Variants in THBS4 observed in about 807,000 individuals in gnomAD.
THBS4 encodes thrombospondin-4.
A neutral mutation model predicts 115.7 loss-of-function variants in THBS4; 90 were observed. That is an observed-to-expected ratio of 0.78 (90% CI 0.66 to 0.93). The LOEUF is 0.93. Among genes scored for constraint, THBS4 ranks in the 40% least tolerant of loss-of-function variants. The pLI, the probability that THBS4 is intolerant of heterozygous loss-of-function variation, is 0.00. For synonymous variants in THBS4, 460 were observed against 479.3 expected (o/e 0.96, Z 0.53); for missense variants, 1,087 against 1,232.7 (o/e 0.88, Z 1.77).
At chr5:80,043,986 T>A (rs1026476032) in intron 2 of THBS4, among the ~76,000 whole-genome samples, 1 of 152,226 alleles carries the variant, frequency 6.6e-6, no homozygotes, top group African/African-American at 2.4e-5. Context: ...TTGCCATTCC[T>A]TGGGGCCGCA....
chr5:80,037,571 C>G (rs1479039143), intron 1 of THBS4, among the ~76,000 whole-genome samples: 1 of 152,130 alleles, frequency 6.6e-6, no homozygotes, highest in Non-Finnish European at 1.5e-5. Flanking sequence ...ATGTTCATTA[C>G]TAACTAATCC....
intron 2 of THBS4, among the ~76,000 whole-genome samples, chr5:80,023,609 CTTAA>C (rs1266541399): frequency 1.3e-5 from 2 of 152,184 alleles, no homozygotes; most frequent in African/African-American, 4.8e-5. Flanking sequence ...ACTCCACTGT[CTTAA>C]TTTATTTAGT....
In THBS4 at chr5:80,070,196, C is replaced by T; in HGVS notation, c.1348-110C>T. On this transcript the variant is annotated intron_variant, in intron 10 of 21. Transcript: ENST00000350881. The stretch of plus-strand genomic sequence containing the variant: ...AGCCCCACCCAACAAGGCTGAGTGA[C>T]TCTGGGCCCTCCCCCTGGGATTGAG... 4 of 840,526 alleles carry T rather than the reference C, an allele frequency of 4.8e-6. No individual in the cohort carries two copies. The South Asian group carries it at 5.2e-5, about 11-fold the overall frequency. 52.1% of individuals were successfully genotyped at this position (840,526 alleles called of 1,614,324 possible).
intron 10 of THBS4, among the ~76,000 whole-genome samples, chr5:80,069,657 G>A (rs1833960793): frequency 2.0e-5 from 3 of 152,204 alleles, no homozygotes; most frequent in Admixed American, 2.0e-4. Flanking sequence ...GTTCCTAGAG[G>A]ACATTTTTTC....
At chr5:80,046,284 A>C (rs1448323241) in intron 2 of THBS4, among the ~76,000 whole-genome samples, 1 of 152,146 alleles carries the variant, frequency 6.6e-6, no homozygotes, top group Non-Finnish European at 1.5e-5. Context: ...AAAAACGCCC[A>C]CTCTCTTTAG....
At chr5:80,076,774 C>T in intron 15 of THBS4, 81 bp from the exon 16 acceptor site, 1 of 1,342,434 alleles carries the variant, frequency 7.4e-7, no homozygotes, top group Non-Finnish European at 9.8e-7. Context: ...AAACCTCAAG[C>T]ACAGACTCTC....
At position 80,005,791 on chromosome 5, in the gene THBS4, G is replaced by T. The variant is rs539947461; in HGVS notation, n.177+7364G>T. On this transcript the variant is annotated intron_variant and non_coding_transcript_variant, in intron 2 of 3. Coordinates refer to the THBS4 transcript ENST00000510218. Reference sequence around the variant, plus strand: ...TTTTTTTTTTTTTTTTTTTGAGACGGAGTCTCACTCTGTCGCCCAGGCTGG... The same window carrying T: ...TTTTTTTTTTTTTTTTTTTGAGACGTAGTCTCACTCTGTCGCCCAGGCTGG... 9.1e-5 allele frequency among the ~76,000 whole-genome samples: 13 copies of T among 142,336 alleles called. No homozygotes were observed. In the South Asian group the frequency reaches 2.9e-3, roughly 32 times the overall value. 93.4% of individuals were successfully genotyped at this position (142,336 alleles called of 152,430 possible). A position where few individuals can be genotyped will look rare whatever the true frequency, so the allele number is the denominator to read the frequency against.
intron 1 of THBS4, among the ~76,000 whole-genome samples, chr5:79,996,829 G>T (rs1393889484): frequency 6.6e-6 from 1 of 152,022 alleles, no homozygotes; most frequent in Non-Finnish European, 1.5e-5. Context: ...GTTTGTAAAG[G>T]GTCCTAGGTG....
At chr5:80,014,039 T>C (rs1291893311) in intron 2 of THBS4, among the ~76,000 whole-genome samples, 1 of 152,190 alleles carries the variant, frequency 6.6e-6, no homozygotes, top group Non-Finnish European at 1.5e-5. Context: ...TGCCTGTTAT[T>C]CATCACTGAG....
chr5:80,041,550 A>C (rs1260800898), intron 2 of THBS4, among the ~76,000 whole-genome samples: 1 of 152,206 alleles, frequency 6.6e-6, no homozygotes, highest in East Asian at 1.9e-4. Context: ...CCAGTAGAAC[A>C]GGATGAATAG....
chr5:80,040,035 T>C (rs1832843111), intron 1 of THBS4, 42 bp from the exon 2 acceptor site: 6 of 1,578,494 alleles, frequency 3.8e-6, no homozygotes, highest in Non-Finnish European at 5.2e-6. Flanking sequence ...TTCCCCAAAA[T>C]TGAATCTTTC....
Position 80,067,826 on chromosome 5 carries a change from T to C in THBS4, c.1195-147T>C, listed in dbSNP as rs41272284. 3,220 of 850,276 alleles carry C rather than the reference T, an allele frequency of 3.8e-3. 12 individuals are homozygous for C. Among genetic ancestry groups the C allele is most frequent in the Non-Finnish European group, 4.2e-3 (2,385 of 562,198 alleles). The allele number at this position is 850,276 out of a possible 1,614,324, so 52.7% of individuals were successfully genotyped here. On this transcript the variant is annotated intron_variant, in intron 9 of 21. Coordinates refer to ENST00000350881, the MANE Select transcript of THBS4 (RefSeq NM_003248.6). Reference sequence around the variant, plus strand: ...TCATCAACATTCACATGATCTTACATGTAAGCAAAGAAGAAGGCATGGATC... The same window carrying C: ...TCATCAACATTCACATGATCTTACACGTAAGCAAAGAAGAAGGCATGGATC...
At chr5:80,002,668 G>C (rs1831925969) in intron 2 of THBS4, among the ~76,000 whole-genome samples, 1 of 148,744 alleles carries the variant, frequency 6.7e-6, no homozygotes, top group African/African-American at 2.5e-5. Context: ...TGTCCAAGCA[G>C]TAAATGGCAT....
intron 11 of THBS4, 30 bp downstream of exon 11, chr5:80,070,440 C>T: frequency 6.3e-7 from 1 of 1,589,648 alleles, no homozygotes. Flanking sequence ...AGTAGGCACA[C>T]ATGCACTGTG....
intron 2 of THBS4, among the ~76,000 whole-genome samples, chr5:80,026,214 AAAG>A (rs1243030434): frequency 6.6e-6 from 1 of 152,232 alleles, no homozygotes; most frequent in African/African-American, 2.4e-5. Context: ...ATACCACTGG[AAAG>A]AAACACTATA....
intron 20 of THBS4, among the ~76,000 whole-genome samples, chr5:80,081,054 C>T (rs1035057276): frequency 4.6e-5 from 7 of 152,098 alleles, no homozygotes; most frequent in African/African-American, 1.7e-4. Flanking sequence ...AGGCTTAGGG[C>T]TGTGTCTTTG....
intron 2 of THBS4, among the ~76,000 whole-genome samples, chr5:80,024,933 C>T (rs1225605950): frequency 6.6e-6 from 1 of 152,168 alleles, no homozygotes; most frequent in East Asian, 1.9e-4. Context: ...AGTTCGAGTC[C>T]ACTTTCTGGC....
intron 1 of THBS4, among the ~76,000 whole-genome samples, chr5:80,038,478 T>C (rs1832787997): frequency 2.0e-5 from 3 of 152,156 alleles, no homozygotes; most frequent in Admixed American, 2.0e-4. Context: ...TCGGTTTTGA[T>C]ATTGTAAATA....
intron 2 of THBS4, among the ~76,000 whole-genome samples, chr5:80,046,019 C>T (rs17885154): frequency 0.012 from 1,859 of 152,116 alleles, 43 homozygotes; most frequent in African/African-American, 0.043. Context: ...AAGCTAAAAC[C>T]TAATTGAGTC....
Sources: allele counts gnomAD v4.1 joint callset (sites outside exome capture counted in the v4.1 genomes callset), GRCh38; gene constraint gnomAD v4.1.1; transcripts MANE v1.5; gene names NCBI Gene and HGNC (gene_info 2026-07-23, HGNC 2026-07-21).